The following THSD7A variants were observed in gnomAD, a reference collection of about 807,000 sequenced individuals.
The protein encoded by THSD7A is thrombospondin type-1 domain-containing protein 7A.
A neutral mutation model predicts 231.3 loss-of-function variants in THSD7A; 96 were observed. That is an observed-to-expected ratio of 0.41 (90% CI 0.35 to 0.49). The LOEUF is 0.49. THSD7A is among the 20% of genes least tolerant of loss of function. The probability of loss-of-function intolerance (pLI) is 0.05; values close to 1 mark genes in which losing one functional copy is unlikely to be tolerated. For synonymous variants in THSD7A, 940 were observed against 743.3 expected (o/e 1.26, Z -4.30); for missense variants, 2,290 against 2,070.2 (o/e 1.11, Z -2.06).
intron 6 of THSD7A, among the ~76,000 whole-genome samples, chr7:11,523,873 G>A (rs981319699): frequency 8.6e-5 from 13 of 151,782 alleles, no homozygotes; most frequent in Non-Finnish European, 1.5e-4. Flanking sequence ...AGTACATATT[G>A]TACACAATTT....
rs148475100 is a variant in THSD7A, at chr7:11,721,010, A to T, written c.191-84049T>A. On this transcript the variant is annotated intron_variant, in intron 1 of 27. Coordinates refer to ENST00000423059, the MANE Select transcript of THSD7A (RefSeq NM_015204.3). ...GATTTCATATAATCTTGTGCCTTTG[A>T]TTACGGTGCATTTGTTTATTAATTA... Among the ~76,000 whole-genome samples, 318 of 151,788 alleles carry T rather than the reference A, an allele frequency of 2.1e-3. 1 individual carries two copies. The highest frequency in any genetic ancestry group is 7.4e-3 in the African/African-American group (306 of 41,442).
chr7:11,668,128 A>AT (rs5882319), intron 1 of THSD7A, among the ~76,000 whole-genome samples: 74,777 of 151,812 alleles, frequency 0.49, 18,501 homozygotes, highest in Admixed American at 0.56. Context: ...GAAATCTATT[A>AT]TTTTTTTCCT....
At chr7:11,619,715 AC>A in intron 2 of THSD7A, among the ~76,000 whole-genome samples, 1 of 152,144 alleles carries the variant, frequency 6.6e-6, no homozygotes, top group Non-Finnish European at 1.5e-5. Flanking sequence ...AACCACTGCA[AC>A]CCGCCCAATT....
intron 2 of THSD7A, among the ~76,000 whole-genome samples, chr7:11,629,941 C>T (rs17164934): frequency 0.045 from 6,807 of 152,218 alleles, 470 homozygotes; most frequent in African/African-American, 0.15. Flanking sequence ...TCCCAGAACA[C>T]GTATGGTTTA....
At chr7:11,572,515 G>C (rs1192947657) in intron 4 of THSD7A, among the ~76,000 whole-genome samples, 1 of 151,878 alleles carries the variant, frequency 6.6e-6, no homozygotes, top group Non-Finnish European at 1.5e-5. Flanking sequence ...ATGTTTAGTA[G>C]TTTCTTTTTG....
chr7:11,648,828 T>A (rs900755009), intron 1 of THSD7A, among the ~76,000 whole-genome samples: 4 of 152,010 alleles, frequency 2.6e-5, no homozygotes, highest in African/African-American at 9.7e-5. Flanking sequence ...TCTTATGACA[T>A]CAAATCTTCT....
At chr7:11,702,554 C>A (rs538959122) in intron 1 of THSD7A, among the ~76,000 whole-genome samples, 3 of 151,132 alleles carry the variant, frequency 2.0e-5, no homozygotes, top group Non-Finnish European at 4.4e-5. Context: ...TGTTTCTGGG[C>A]AGGCCGATCT....
chr7:11,509,832 A>AAAAAAAAAAAAAAAAAAAAAAAAAAC, intron 6 of THSD7A, among the ~76,000 whole-genome samples: 1 of 147,204 alleles, frequency 6.8e-6, no homozygotes, highest in Non-Finnish European at 1.5e-5. Context: ...AAAAAAAAAA[A>AAAAAAAAAAAAAAAAAAAAAAAAAAC]AAAATAACAT....
rs559845468 is a variant in THSD7A, at chr7:11,476,810, G to A, written c.2018-2242C>T. On this transcript the variant is annotated intron_variant, in intron 7 of 27. Coordinates refer to ENST00000423059, the MANE Select transcript of THSD7A (RefSeq NM_015204.3). ...AGCCTGGTCAACAGAGAGAGACTCC[G>A]TCTCAGAGAAAAAAAAAAAAAAAAA... 8.7e-3 allele frequency among the ~76,000 whole-genome samples: 1,154 copies of A among 133,298 alleles called. 16 individuals are homozygous for A. Among genetic ancestry groups the A allele is most frequent in the African/African-American group, 0.031 (1,088 of 35,122 alleles). 87.4% of individuals were successfully genotyped at this position (133,298 alleles called of 152,430 possible). A position where few individuals can be genotyped will look rare whatever the true frequency, so the allele number is the denominator to read the frequency against.
At chr7:11,749,658 G>A (rs1222079793) in intron 1 of THSD7A, among the ~76,000 whole-genome samples, 1 of 151,946 alleles carries the variant, frequency 6.6e-6, no homozygotes, top group Non-Finnish European at 1.5e-5. Flanking sequence ...GAGAAGATAG[G>A]TGGTCGTGAT....
chr7:11,695,653 A>G (rs1184341201), intron 1 of THSD7A, among the ~76,000 whole-genome samples: 2 of 151,552 alleles, frequency 1.3e-5, no homozygotes, highest in Non-Finnish European at 3.0e-5. Context: ...TAATTTATTG[A>G]CAGATAATAT....
chr7:11,490,223 G>A (rs1021466887), intron 6 of THSD7A, among the ~76,000 whole-genome samples: 5 of 151,988 alleles, frequency 3.3e-5, no homozygotes, highest in Non-Finnish European at 7.4e-5. Flanking sequence ...ACTTCATTCC[G>A]GAGATAGAAC....
intron 1 of THSD7A, among the ~76,000 whole-genome samples, chr7:11,658,125 T>C (rs1008993808): frequency 2.6e-5 from 4 of 151,648 alleles, no homozygotes; most frequent in African/African-American, 7.3e-5. Context: ...AATGAACACA[T>C]AGGTTAAAGA....
chr7:11,560,861 G>C (rs1450108474), intron 4 of THSD7A, among the ~76,000 whole-genome samples: 1 of 152,072 alleles, frequency 6.6e-6, no homozygotes, highest in Non-Finnish European at 1.5e-5. Flanking sequence ...ACAAACAAAA[G>C]TTTAGAAGAG....
At chr7:11,520,621 T>C (rs949101012) in intron 6 of THSD7A, among the ~76,000 whole-genome samples, 7 of 152,166 alleles carry the variant, frequency 4.6e-5, no homozygotes, top group Non-Finnish European at 8.8e-5. Context: ...TATGAGTACA[T>C]AATATTTTTA....
At chr7:11,777,222 G>C (rs1783437382) in intron 1 of THSD7A, among the ~76,000 whole-genome samples, 1 of 152,010 alleles carries the variant, frequency 6.6e-6, no homozygotes, top group African/African-American at 2.4e-5. Context: ...GGGACATTTG[G>C]TGCCATTTGA....
intron 4 of THSD7A, among the ~76,000 whole-genome samples, chr7:11,584,008 T>A (rs1562743181): frequency 1.3e-5 from 2 of 152,226 alleles, no homozygotes; most frequent in African/African-American, 2.4e-5. Flanking sequence ...CTTACTTGAT[T>A]ATCCTTTGAG....
intron 6 of THSD7A, among the ~76,000 whole-genome samples, chr7:11,512,084 A>G (rs924503431): frequency 4.6e-5 from 7 of 152,354 alleles, no homozygotes; most frequent in Admixed American, 6.5e-5. Flanking sequence ...GAACAAATTT[A>G]GAAGAAAAAA....
chr7:11,577,879 G>A (rs957406546), intron 4 of THSD7A, among the ~76,000 whole-genome samples: 2 of 151,938 alleles, frequency 1.3e-5, no homozygotes, highest in South Asian at 2.1e-4. Context: ...CTTAAAATTC[G>A]CAAGGCTTCT....
Sources: allele counts gnomAD v4.1 joint callset (sites outside exome capture counted in the v4.1 genomes callset), GRCh38; gene constraint gnomAD v4.1.1; transcripts MANE v1.5; gene names NCBI Gene and HGNC (gene_info 2026-07-23, HGNC 2026-07-21).